The following DSCAM variants were observed in gnomAD, a reference collection of about 807,000 sequenced individuals.
The protein encoded by DSCAM is cell adhesion molecule DSCAM.
In DSCAM, 47 loss-of-function variants were observed where a neutral mutation model predicts 217.7. The observed-to-expected ratio is 0.22, with a 90% CI of 0.17 to 0.28. The LOEUF (loss-of-function observed/expected upper bound fraction) is 0.28, where lower values mean the gene tolerates loss of function less well. Among genes scored for constraint, DSCAM ranks in the 10% least tolerant of loss-of-function variants. DSCAM has a pLI of 1.00. For missense variants in DSCAM, 2,080 were observed against 2,618.3 expected (o/e 0.79, Z 4.49); for synonymous variants, 1,056 against 1,015.3 (o/e 1.04, Z -0.76).
chr21:40,439,920 A>C (rs1425120046), intron 3 of DSCAM, among the ~76,000 whole-genome samples: 2 of 152,202 alleles, frequency 1.3e-5, no homozygotes, highest in Non-Finnish European at 2.9e-5. Context: ...TGGGAATTCA[A>C]GATGAAATTT....
At chr21:40,554,868 CA>C (rs1443801281) in intron 3 of DSCAM, among the ~76,000 whole-genome samples, 1 of 152,112 alleles carries the variant, frequency 6.6e-6, no homozygotes, top group Non-Finnish European at 1.5e-5. Context: ...TAACACTTGA[CA>C]CATGGTATTG....
intron 14 of DSCAM, among the ~76,000 whole-genome samples, chr21:40,180,988 A>G (rs2090793689): frequency 6.6e-6 from 1 of 151,718 alleles, no homozygotes; most frequent in African/African-American, 2.4e-5. Context: ...TGACTTATAA[A>G]TCCTCTCTGA....
At chr21:40,508,767 ATATATATATATATATATTT>A (rs1285421290) in intron 3 of DSCAM, among the ~76,000 whole-genome samples, 1 of 3,632 alleles carries the variant, frequency 2.8e-4, no homozygotes, top group Non-Finnish European at 4.5e-4. Flanking sequence ...ATATATATAT[ATATATATATATATATATTT>A]TTTTTTTTTT....
At chr21:40,322,997 C>G (rs982459694) in intron 8 of DSCAM, among the ~76,000 whole-genome samples, 2 of 152,130 alleles carry the variant, frequency 1.3e-5, no homozygotes, top group Non-Finnish European at 2.9e-5. Context: ...TATTGGCCAC[C>G]TCGGAGATTG....
chr21:40,150,232 A>AT (rs1157873679), intron 16 of DSCAM, among the ~76,000 whole-genome samples: 7 of 152,246 alleles, frequency 4.6e-5, no homozygotes, highest in African/African-American at 1.4e-4. Flanking sequence ...TTAACCGCTC[A>AT]TAGAGCCTCA....
intron 3 of DSCAM, among the ~76,000 whole-genome samples, chr21:40,623,295 T>C (rs1334023131): frequency 6.6e-6 from 1 of 152,150 alleles, no homozygotes; most frequent in East Asian, 1.9e-4. Flanking sequence ...GGCAGAAATC[T>C]TTATAGAGCA....
At chr21:40,317,333 G>A (rs889990770) in intron 8 of DSCAM, among the ~76,000 whole-genome samples, 3 of 152,230 alleles carry the variant, frequency 2.0e-5, no homozygotes, top group East Asian at 1.9e-4. Flanking sequence ...ACAAGTAAGC[G>A]GTTCCTCTAC....
At chr21:40,132,702 A>G (rs1055336241) in intron 19 of DSCAM, among the ~76,000 whole-genome samples, 1 of 152,192 alleles carries the variant, frequency 6.6e-6, no homozygotes, top group African/African-American at 2.4e-5. Flanking sequence ...CCAAGGTGAG[A>G]GCAGAGAGTG....
intron 1 of DSCAM, among the ~76,000 whole-genome samples, chr21:40,737,430 G>A (rs1356146098): frequency 6.6e-6 from 1 of 152,112 alleles, no homozygotes; most frequent in Non-Finnish European, 1.5e-5. Flanking sequence ...CTGAGGTCAG[G>A]AGTTTGATAC....
intron 20 of DSCAM, among the ~76,000 whole-genome samples, chr21:40,098,903 G>A (rs144663852): frequency 1.7e-3 from 254 of 152,148 alleles, no homozygotes; most frequent in Non-Finnish European, 3.2e-3. Context: ...CTCCAGTCAC[G>A]TCTTAGAGTA....
intron 14 of DSCAM, among the ~76,000 whole-genome samples, chr21:40,185,225 G>A (rs1164762295): frequency 2.0e-5 from 3 of 152,214 alleles, no homozygotes; most frequent in South Asian, 2.1e-4. Flanking sequence ...TGAGAATTGA[G>A]ATCTATGGAG....
intron 3 of DSCAM, among the ~76,000 whole-genome samples, chr21:40,465,700 T>C (rs2075839105): frequency 1.3e-5 from 2 of 152,116 alleles, no homozygotes; most frequent in Admixed American, 6.5e-5. Flanking sequence ...ATTTTATGAG[T>C]GGCCCAAGAC....
At chr21:40,669,411 G>C (rs935636790) in intron 3 of DSCAM, among the ~76,000 whole-genome samples, 5 of 152,070 alleles carry the variant, frequency 3.3e-5, no homozygotes, top group African/African-American at 1.2e-4. Flanking sequence ...CTCATTAAAT[G>C]AAGAGTCATG....
At chr21:40,474,063 C>T (rs1019165937) in intron 3 of DSCAM, among the ~76,000 whole-genome samples, 3 of 152,046 alleles carry the variant, frequency 2.0e-5, no homozygotes, top group South Asian at 4.1e-4. Flanking sequence ...GAGGCTGAGG[C>T]GGGCGGATCA....
intron 1 of DSCAM, among the ~76,000 whole-genome samples, chr21:40,845,539 TC>T (rs779823441): frequency 1.9e-4 from 16 of 86,134 alleles, no homozygotes; most frequent in Admixed American, 1.5e-3. Flanking sequence ...TCTCTTCTTC[TC>T]CTCTCTCTCT....
chr21:40,604,001 G>A (rs1022900937), intron 3 of DSCAM, among the ~76,000 whole-genome samples: 1 of 143,786 alleles, frequency 7.0e-6, no homozygotes, highest in Non-Finnish European at 1.5e-5. Context: ...AAAGCTGTCA[G>A]CTATTGTTAT....
chr21:40,265,098 C>T (rs576769363), intron 11 of DSCAM, among the ~76,000 whole-genome samples: 1 of 151,780 alleles, frequency 6.6e-6, no homozygotes, highest in South Asian at 2.1e-4. Context: ...GAAGCTGAGG[C>T]AGGAGAACCG....
intron 11 of DSCAM, among the ~76,000 whole-genome samples, chr21:40,256,162 C>T (rs2837540): frequency 0.094 from 14,290 of 152,176 alleles, 1,552 homozygotes; most frequent in African/African-American, 0.25. Flanking sequence ...GAAGCATTTA[C>T]AGAGTGAATT....
At chr21:40,579,829 C>CA (rs11430170) in intron 3 of DSCAM, among the ~76,000 whole-genome samples, 3 of 151,330 alleles carry the variant, frequency 2.0e-5, no homozygotes, top group African/African-American at 7.3e-5. Context: ...ACCTTCACCA[C>CA]AAAAAAAAGT....
Sources: allele counts gnomAD v4.1 joint callset (sites outside exome capture counted in the v4.1 genomes callset), GRCh38; gene constraint gnomAD v4.1.1; transcripts MANE v1.5; gene names NCBI Gene and HGNC (gene_info 2026-07-23, HGNC 2026-07-21).